The following CRLF3 variants were observed in gnomAD, a reference collection of about 807,000 sequenced individuals.
The protein encoded by CRLF3 is cytokine receptor like factor 3.
In CRLF3, 33 loss-of-function variants were observed where a neutral mutation model predicts 55.0. The observed-to-expected ratio is 0.60, with a 90% CI of 0.46 to 0.80. The LOEUF is 0.80. Among genes scored for constraint, CRLF3 ranks in the 30% least tolerant of loss-of-function variants. The pLI is 0.00. For synonymous variants in CRLF3, 238 were observed against 196.8 expected (o/e 1.21, Z -1.75); for missense variants, 494 against 538.4 (o/e 0.92, Z 0.82).
intron 1 of CRLF3, among the ~76,000 whole-genome samples, chr17:30,808,516 G>A (rs1904499938): frequency 6.6e-6 from 1 of 151,902 alleles, no homozygotes; most frequent in Non-Finnish European, 1.5e-5. Flanking sequence ...TCGAACTCCT[G>A]ACCTCAGGTG....
chr17:30,810,268 C>A (rs568687332), intron 1 of CRLF3, among the ~76,000 whole-genome samples: 39 of 152,232 alleles, frequency 2.6e-4, no homozygotes, highest in Middle Eastern at 6.8e-3. Context: ...TTAAAACTTA[C>A]AAAGTTTTGG....
At chr17:30,822,490 C>T (rs1042262956) in intron 1 of CRLF3, among the ~76,000 whole-genome samples, 5 of 152,304 alleles carry the variant, frequency 3.3e-5, no homozygotes, top group African/African-American at 1.2e-4. Flanking sequence ...GCAATGTCAT[C>T]AGGAACCTAA....
At chr17:30,809,297 A>G (rs1428395795) in intron 1 of CRLF3, among the ~76,000 whole-genome samples, 1 of 152,122 alleles carries the variant, frequency 6.6e-6, no homozygotes, top group Non-Finnish European at 1.5e-5. Flanking sequence ...AATCCCAACC[A>G]CTGCCATTTG....
intron 2 of CRLF3, among the ~76,000 whole-genome samples, chr17:30,798,969 A>T (rs1182347170): frequency 6.6e-6 from 1 of 152,018 alleles, no homozygotes; most frequent in Non-Finnish European, 1.5e-5. Flanking sequence ...ATGTATAATA[A>T]TTTTTTTTAA....
chr17:30,819,161 C>T (rs985899023), intron 1 of CRLF3, among the ~76,000 whole-genome samples: 1 of 152,160 alleles, frequency 6.6e-6, no homozygotes, highest in African/African-American at 2.4e-5. Flanking sequence ...ACCATTTGCT[C>T]TTGAAGGAGC....
intron 1 of CRLF3, among the ~76,000 whole-genome samples, chr17:30,805,935 A>T (rs1018583338): frequency 1.3e-5 from 2 of 152,086 alleles, no homozygotes; most frequent in African/African-American, 4.8e-5. Context: ...AGGTGGGAGG[A>T]TCACCTGAGC....
intron 1 of CRLF3, among the ~76,000 whole-genome samples, chr17:30,816,322 G>T (rs2142273034): frequency 6.6e-6 from 1 of 151,422 alleles, no homozygotes; most frequent in South Asian, 2.1e-4. Flanking sequence ...AGATTTATTG[G>T]TGAAAAGACT....
chr17:30,789,351 A>C (rs2142245307), intron 6 of CRLF3, among the ~76,000 whole-genome samples: 1 of 152,338 alleles, frequency 6.6e-6, no homozygotes, highest in Middle Eastern at 3.4e-3. Context: ...GAATGGTCTA[A>C]GAAATAAACC....
intron 1 of CRLF3, among the ~76,000 whole-genome samples, chr17:30,823,093 G>C (rs1905042852): frequency 6.7e-6 from 1 of 149,218 alleles, no homozygotes; most frequent in South Asian, 2.2e-4. Context: ...GGCCGGGCGC[G>C]GTGGCTCACG....
At chr17:30,816,009 C>A (rs112944916) in intron 1 of CRLF3, among the ~76,000 whole-genome samples, 1 of 149,078 alleles carries the variant, frequency 6.7e-6, no homozygotes, top group Non-Finnish European at 1.5e-5. Flanking sequence ...GTAGGCCGGG[C>A]ATGGTGGCTC....
intron 6 of CRLF3, among the ~76,000 whole-genome samples, chr17:30,787,032 A>G (rs554930109): frequency 7.2e-5 from 11 of 152,132 alleles, no homozygotes; most frequent in African/African-American, 2.6e-4. Context: ...ACACGGTTTC[A>G]CCATGTTGCT....
At chr17:30,794,054 T>A (rs1334404699) in intron 4 of CRLF3, among the ~76,000 whole-genome samples, 1 of 152,052 alleles carries the variant, frequency 6.6e-6, no homozygotes, top group African/African-American at 2.4e-5. Flanking sequence ...CTCAGATCTT[T>A]AACTCCTGAG....
chr17:30,818,947 C>T (rs1043075265), intron 1 of CRLF3, among the ~76,000 whole-genome samples: 2 of 151,972 alleles, frequency 1.3e-5, no homozygotes, highest in Non-Finnish European at 2.9e-5. Context: ...TCCAGAGTAG[C>T]TGGAATTACA....
chr17:30,794,125 C>T (rs1365662134), intron 4 of CRLF3, among the ~76,000 whole-genome samples: 1 of 152,100 alleles, frequency 6.6e-6, no homozygotes, highest in Non-Finnish European at 1.5e-5. Context: ...TGAGACACTG[C>T]GCCTGGGCTC....
At chr17:30,818,705 C>T (rs1904888614) in intron 1 of CRLF3, among the ~76,000 whole-genome samples, 1 of 152,014 alleles carries the variant, frequency 6.6e-6, no homozygotes, top group Admixed American at 6.6e-5. Flanking sequence ...CCGCCCGCCT[C>T]AGCCTCCCAA....
intron 6 of CRLF3, among the ~76,000 whole-genome samples, chr17:30,791,130 G>T (rs1182864751): frequency 2.6e-5 from 4 of 151,958 alleles, no homozygotes; most frequent in African/African-American, 9.7e-5. Flanking sequence ...TTGCCAGGCT[G>T]AAGTGCAATG....
chr17:30,824,391 C>T (rs1905080412), intron 1 of CRLF3, 132 bp downstream of exon 1: 5 of 922,084 alleles, frequency 5.4e-6, no homozygotes, highest in Non-Finnish European at 7.5e-6. Flanking sequence ...CATTAGGTCT[C>T]CTTTCAAATG....
chr17:30,809,348 A>G (rs1312579254), intron 1 of CRLF3, among the ~76,000 whole-genome samples: 1 of 152,204 alleles, frequency 6.6e-6, no homozygotes, highest in Non-Finnish European at 1.5e-5. Context: ...TTTCCTTGAA[A>G]TATTTCATGA....
At chr17:30,823,471 A>G (rs1684663052) in intron 1 of CRLF3, among the ~76,000 whole-genome samples, 1 of 151,750 alleles carries the variant, frequency 6.6e-6, no homozygotes, top group South Asian at 2.1e-4. Flanking sequence ...GAATATCCAA[A>G]GACACTGTTA....
Sources: allele counts gnomAD v4.1 joint callset (sites outside exome capture counted in the v4.1 genomes callset), GRCh38; gene constraint gnomAD v4.1.1; transcripts MANE v1.5; gene names NCBI Gene and HGNC (gene_info 2026-07-23, HGNC 2026-07-21).